The following TRDN variants were observed in gnomAD, a reference collection of about 807,000 sequenced individuals.
TRDN encodes triadin in skeletal muscle.
In TRDN, 161 loss-of-function variants were observed where a neutral mutation model predicts 149.7. The ratio of observed to expected loss-of-function variants is 1.08; its 90% CI spans 0.95 to 1.23. The LOEUF (loss-of-function observed/expected upper bound fraction) is 1.23, where lower values mean the gene tolerates loss of function less well. TRDN is among the 50% of genes most tolerant of loss of function. The probability of loss-of-function intolerance (pLI) is 0.00; values close to 1 mark genes in which losing one functional copy is unlikely to be tolerated. For synonymous variants in TRDN, 294 were observed against 250.5 expected (o/e 1.17, Z -1.64); for missense variants, 896 against 823.5 (o/e 1.09, Z -1.08).
At chr6:123,372,714 T>C (rs541280784) in intron 19 of TRDN, among the ~76,000 whole-genome samples, 1 of 152,280 alleles carries the variant, frequency 6.6e-6, no homozygotes, top group East Asian at 1.9e-4. Context: ...CTATATTTCT[T>C]CTTGAAGATT....
intron 7 of TRDN, among the ~76,000 whole-genome samples, chr6:123,507,844 A>T (rs1778997991): frequency 6.6e-6 from 1 of 152,210 alleles, no homozygotes; most frequent in Non-Finnish European, 1.5e-5. Flanking sequence ...CAGATTCAGA[A>T]TGTCTGATGC....
chr6:123,554,685 G>C (rs1012529708), intron 2 of TRDN, among the ~76,000 whole-genome samples: 1 of 151,992 alleles, frequency 6.6e-6, no homozygotes, highest in Non-Finnish European at 1.5e-5. Context: ...CTTCAGATGT[G>C]TTTCCTCATT....
chr6:123,383,050 G>T (rs1052490094), intron 14 of TRDN, among the ~76,000 whole-genome samples: 8 of 151,990 alleles, frequency 5.3e-5, no homozygotes, highest in Non-Finnish European at 1.2e-4. Flanking sequence ...TAGCTAAATT[G>T]TTTTCTGGCT....
chr6:123,442,125 G>A (rs2114608512), intron 10 of TRDN: 1 of 152,384 alleles, frequency 6.6e-6, no homozygotes, highest in East Asian at 1.9e-4. Flanking sequence ...ACAGAGGGGT[G>A]TGGAGCACGA....
chr6:123,480,447 T>C (rs995423615), intron 9 of TRDN, among the ~76,000 whole-genome samples: 3 of 152,092 alleles, frequency 2.0e-5, no homozygotes, highest in Admixed American at 1.3e-4. Flanking sequence ...ACAGAAGAGA[T>C]ATCAGTTCTC....
chr6:123,566,501 T>G (rs1782306143), intron 2 of TRDN, among the ~76,000 whole-genome samples: 1 of 152,206 alleles, frequency 6.6e-6, no homozygotes, highest in African/African-American at 2.4e-5. Context: ...AGTATGAGCT[T>G]ATAAAAACAG....
intron 4 of TRDN, among the ~76,000 whole-genome samples, chr6:123,533,046 A>T (rs1036853537): frequency 2.4e-5 from 2 of 85,050 alleles, no homozygotes; most frequent in African/African-American, 3.9e-5. Context: ...TCCATAAAGC[A>T]AGTAAAATAT....
At chr6:123,473,392 G>GA (rs1430568337) in intron 9 of TRDN, among the ~76,000 whole-genome samples, 3 of 151,650 alleles carry the variant, frequency 2.0e-5, no homozygotes, top group African/African-American at 7.3e-5. Context: ...GAAGTTTAGA[G>GA]AAAAAAGAAT....
intron 1 of TRDN, among the ~76,000 whole-genome samples, chr6:123,607,175 A>C (rs1454699393): frequency 6.6e-6 from 1 of 152,250 alleles, no homozygotes; most frequent in African/African-American, 2.4e-5. Context: ...ATTCATTTTC[A>C]TAAATTATTT....
intron 1 of TRDN, among the ~76,000 whole-genome samples, chr6:123,581,301 T>C (rs1783107197): frequency 6.6e-6 from 1 of 152,236 alleles, no homozygotes; most frequent in Non-Finnish European, 1.5e-5. Flanking sequence ...ACTCTACTCT[T>C]CTTACTTGTA....
At chr6:123,418,974 A>G (rs895127857) in intron 12 of TRDN, among the ~76,000 whole-genome samples, 7 of 152,046 alleles carry the variant, frequency 4.6e-5, no homozygotes, top group African/African-American at 1.7e-4. Flanking sequence ...TGATGGGAAG[A>G]GAGATTCTGG....
chr6:123,296,566 A>T (rs1295696992), intron 24 of TRDN, among the ~76,000 whole-genome samples: 2 of 143,546 alleles, frequency 1.4e-5, no homozygotes, highest in Non-Finnish European at 3.0e-5. Flanking sequence ...AATGTTAAAT[A>T]TATAAAATAT....
intron 4 of TRDN, among the ~76,000 whole-genome samples, chr6:123,532,865 G>A (rs1562369475): frequency 6.6e-6 from 1 of 151,504 alleles, no homozygotes; most frequent in African/African-American, 2.4e-5. Flanking sequence ...CTAATCCCAG[G>A]GGGAGCAAAG....
chr6:123,430,436 G>A (rs1774288476), intron 12 of TRDN, among the ~76,000 whole-genome samples: 1 of 151,802 alleles, frequency 6.6e-6, no homozygotes, highest in Admixed American at 6.6e-5. Flanking sequence ...CAAAAAATTA[G>A]CCAAGCATGG....
At chr6:123,452,078 A>G (rs986412374) in intron 10 of TRDN, among the ~76,000 whole-genome samples, 1 of 152,036 alleles carries the variant, frequency 6.6e-6, no homozygotes, top group Non-Finnish European at 1.5e-5. Context: ...CAGCAAAATC[A>G]GCATTCAAGG....
intron 20 of TRDN, among the ~76,000 whole-genome samples, chr6:123,361,696 T>C (rs1405802729): frequency 1.3e-5 from 2 of 152,192 alleles, no homozygotes; most frequent in Non-Finnish European, 2.9e-5. Flanking sequence ...GAAAATTCTG[T>C]ATTGAAAATT....
intron 20 of TRDN, among the ~76,000 whole-genome samples, chr6:123,358,196 A>T (rs989228820): frequency 6.6e-6 from 1 of 152,168 alleles, no homozygotes; most frequent in Non-Finnish European, 1.5e-5. Flanking sequence ...AGAAAAAAAA[A>T]TAGATTCTTA....
intron 35 of TRDN, among the ~76,000 whole-genome samples, chr6:123,258,586 C>T (rs998527946): frequency 3.9e-5 from 6 of 152,010 alleles, no homozygotes; most frequent in African/African-American, 9.7e-5. Flanking sequence ...GAATATTGGC[C>T]TGAAATTTTC....
intron 12 of TRDN, among the ~76,000 whole-genome samples, chr6:123,415,946 T>G (rs1413148989): frequency 6.6e-6 from 1 of 152,190 alleles, no homozygotes; most frequent in East Asian, 1.9e-4. Flanking sequence ...CCTAGGAGGA[T>G]AAGTATTATT....
Sources: allele counts gnomAD v4.1 joint callset (sites outside exome capture counted in the v4.1 genomes callset), GRCh38; gene constraint gnomAD v4.1.1; transcripts MANE v1.5; gene names NCBI Gene and HGNC (gene_info 2026-07-23, HGNC 2026-07-21).